Variants in NBPF11 observed in about 807,000 individuals in gnomAD.
NBPF11 encodes NBPF family member NBPF11.
A neutral mutation model predicts 93.9 loss-of-function variants in NBPF11; 72 were observed. The ratio of observed to expected loss-of-function variants is 0.77; its 90% CI spans 0.63 to 0.93. The LOEUF is 0.93. Ranked by LOEUF, NBPF11 falls within the 40% of genes least tolerant of loss-of-function variation. The pLI, the probability that NBPF11 is intolerant of heterozygous loss-of-function variation, is 0.00. For missense variants in NBPF11, 705 were observed against 802.2 expected (o/e 0.88, Z 1.46); for synonymous variants, 224 against 304.9 (o/e 0.73, Z 2.76).
rs1413724118 is a variant in NBPF11, at chr1:148,120,338, A to G, written c.988+163T>C. Among the ~76,000 whole-genome samples, 31 of 151,838 alleles carry G rather than the reference A, an allele frequency of 2.0e-4. 1 individual carries two copies. In the East Asian group the frequency reaches 5.6e-3, roughly 28 times the overall value. ...ATGGAAAGTTGCTAAATACTTTGGTACCTCTGTCTTCCAACTTTAACAAAA... is the reference window on the plus strand; with the variant it reads ...ATGGAAAGTTGCTAAATACTTTGGTGCCTCTGTCTTCCAACTTTAACAAAA... On this transcript the variant is annotated intron_variant, in intron 10 of 23. Coordinates refer to ENST00000682118, the MANE Select transcript of NBPF11 (RefSeq NM_001385469.3).
intron 4 of NBPF11, among the ~76,000 whole-genome samples, chr1:148,132,159 T>C (rs1168789722): frequency 6.7e-6 from 1 of 150,332 alleles, no homozygotes; most frequent in Non-Finnish European, 1.5e-5. Context: ...TATATATATA[T>C]ATATTCCCTA....
intron 1 of NBPF11, among the ~76,000 whole-genome samples, chr1:148,144,147 G>T (rs1313745096): frequency 6.6e-6 from 1 of 151,106 alleles, no homozygotes; most frequent in Non-Finnish European, 1.5e-5. Context: ...TTCTGTTAGG[G>T]AATTAAGAGT....
intron 4 of NBPF11, among the ~76,000 whole-genome samples, chr1:148,132,167 C>T (rs1670469082): frequency 6.7e-6 from 1 of 148,186 alleles, no homozygotes; most frequent in African/African-American, 2.5e-5. Flanking sequence ...TATATATTCC[C>T]TATTTGGAGA....
At chr1:148,116,899 C>A (rs1353433719) in intron 12 of NBPF11, among the ~76,000 whole-genome samples, 1 of 152,314 alleles carries the variant, frequency 6.6e-6, no homozygotes, top group African/African-American at 2.4e-5. Flanking sequence ...AAACCTAATT[C>A]TTTCTCTTAG....
chr1:148,147,593 T>A (rs1240269638), intron 1 of NBPF11, among the ~76,000 whole-genome samples: 1 of 152,022 alleles, frequency 6.6e-6, no homozygotes, highest in Non-Finnish European at 1.5e-5. Context: ...CGCCATCCAC[T>A]GGGCCTGTCT....
At chr1:148,142,091 C>A (rs1176757438) in intron 2 of NBPF11, among the ~76,000 whole-genome samples, 14 of 110,366 alleles carry the variant, frequency 1.3e-4, no homozygotes, top group East Asian at 1.2e-3. Context: ...GGAGGGAAGG[C>A]AGAAGGGAAG....
intron 1 of NBPF11, among the ~76,000 whole-genome samples, chr1:148,148,985 G>T (rs1282529129): frequency 6.6e-6 from 1 of 151,240 alleles, no homozygotes; most frequent in Non-Finnish European, 1.5e-5. Flanking sequence ...CACCGCCACG[G>T]TGTTGGGGGC....
At position 148,147,781 on chromosome 1, in the gene NBPF11, C is replaced by T. The variant is rs1465528396; in HGVS notation, c.-549+3969G>A. ...CACCACCCTGGCTCCAGGGGCCTCC[C>T]GGCAGTTGTGGGACGCTGACACCAA... On this transcript the variant is annotated intron_variant, in intron 1 of 23. Transcript: ENST00000682118. 1.9e-4 allele frequency among the ~76,000 whole-genome samples: 29 copies of T among 152,094 alleles called. 1 individual carries two copies. The East Asian group carries it at 4.4e-3, about 23-fold the overall frequency.
At chr1:148,129,569 T>G (rs1553273995) in intron 4 of NBPF11, 3 of 162,026 alleles carry the variant, frequency 1.9e-5, no homozygotes, top group African/African-American at 7.3e-5. Context: ...ACCTTCCATC[T>G]GTGCCACCGT....
At chr1:148,107,416 C>A (rs1158897550) in intron 19 of NBPF11, among the ~76,000 whole-genome samples, 5 of 150,696 alleles carry the variant, frequency 3.3e-5, no homozygotes, top group African/African-American at 1.2e-4. Flanking sequence ...GGACACACAG[C>A]GAACAGTGAT....
intron 1 of NBPF11, chr1:148,146,367 T>C: frequency 6.6e-7 from 1 of 1,524,914 alleles, no homozygotes; most frequent in Non-Finnish European, 8.7e-7. Flanking sequence ...GGGGCCCCGG[T>C]GGAGGCCCGG....
chr1:148,137,191 C>T (rs75473306), intron 3 of NBPF11, among the ~76,000 whole-genome samples: 1 of 151,984 alleles, frequency 6.6e-6, no homozygotes, highest in Admixed American at 6.5e-5. Context: ...TCACTCCATA[C>T]ATGACAGAGC....
At chr1:148,144,178 T>C (rs2746942) in intron 1 of NBPF11, among the ~76,000 whole-genome samples, 4,103 of 149,642 alleles carry the variant, frequency 0.027, 83 homozygotes, top group Non-Finnish European at 0.041. Context: ...AGTTAATGCT[T>C]CTTTGGAATC....
At chr1:148,146,945 T>C (rs1384238948) in intron 1 of NBPF11, 1 of 1,576,798 alleles carries the variant, frequency 6.3e-7, no homozygotes, top group African/African-American at 1.4e-5. Context: ...TGGGGGCAGC[T>C]CAGCCTGGGC....
In NBPF11 at chr1:148,149,237, C is replaced by T. The variant is rs1238968556; in HGVS notation, c.-549+2513G>A. 47 of 1,581,460 alleles carry T rather than the reference C, an allele frequency of 3.0e-5. 2 individuals carry two copies. The East Asian group carries it at 5.8e-4, about 20-fold the overall frequency. ...GGTGCCCACCATGGACCTGGCCTCG[C>T]GCTACGAGTGTGCCGCGGTGGTGCT... On this transcript the variant is annotated intron_variant, in intron 1 of 23. Transcript: ENST00000682118.
At chr1:148,138,880 C>T (rs1356063375) in intron 2 of NBPF11, among the ~76,000 whole-genome samples, 4 of 151,670 alleles carry the variant, frequency 2.6e-5, no homozygotes, top group Non-Finnish European at 5.9e-5. Context: ...CACTTGAGGT[C>T]AAGAGTTAGA....
At position 148,105,352 on chromosome 1, in the gene NBPF11, G is replaced by C. The variant is rs1571403864; in HGVS notation, c.2472+8C>G. On this transcript the variant is annotated splice_region_variant and intron_variant, in intron 22 of 23. Transcript: ENST00000682118. ...GGATCCTTATCACCTTCATAGAAAGGTACTCACCTCCCACGTCAAGAGAAA... is the reference window on the plus strand; with the variant it reads ...GGATCCTTATCACCTTCATAGAAAGCTACTCACCTCCCACGTCAAGAGAAA... The C allele has an allele frequency of 6.5e-6, 5 of 769,078 alleles. No individual in the cohort carries two copies. The highest frequency in any genetic ancestry group is 1.2e-5 in the Non-Finnish European group (5 of 421,486). The allele number at this position is 769,078 out of a possible 1,614,324, so 47.6% of individuals were successfully genotyped here.
Position 148,146,249 on chromosome 1 carries a change from C to G in NBPF11, c.-548-2563G>C, listed in dbSNP as rs1306828081. The G allele has an allele frequency of 1.1e-5, 12 of 1,116,514 alleles. No homozygotes were observed. In the East Asian group the frequency reaches 2.9e-4, roughly 27 times the overall value. 69.2% of individuals were successfully genotyped at this position (1,116,514 alleles called of 1,614,324 possible). A position where few individuals can be genotyped will look rare whatever the true frequency, so the allele number is the denominator to read the frequency against. ...ATGGGGCTGGGCCCTGGCCTCCTAA[C>G]GGGGCTGCTGTCTGGGGCGGTAGCT... On this transcript the variant is annotated intron_variant, in intron 1 of 23. Transcript: ENST00000682118.
intron 15 of NBPF11, among the ~76,000 whole-genome samples, chr1:148,114,219 T>TTGACA (rs1299317120): frequency 2.0e-5 from 3 of 150,346 alleles, no homozygotes; most frequent in Non-Finnish European, 4.4e-5. Flanking sequence ...GTTTGGCTAG[T>TTGACA]TCACCTGGCT....
Sources: gnomAD v4.1 joint callset for allele counts (sites outside exome capture counted in the v4.1 genomes callset) on GRCh38, gnomAD v4.1.1 for gene constraint, MANE v1.5 for transcripts, NCBI Gene and HGNC (gene_info 2026-07-23, HGNC 2026-07-21) for gene names.